Variants in SLC9A9 observed in about 807,000 individuals in gnomAD.
SLC9A9 encodes solute carrier family 9 member A9, also known as sodium/hydrogen exchanger 9.
A neutral mutation model predicts 77.8 loss-of-function variants in SLC9A9; 62 were observed. The observed-to-expected ratio is 0.80, with a 90% confidence interval of 0.65 to 0.98. The LOEUF (loss-of-function observed/expected upper bound fraction) is 0.98. Among genes scored for constraint, SLC9A9 ranks in the 50% least tolerant of loss-of-function variants. SLC9A9 has a pLI of 0.00. For synonymous variants in SLC9A9, 320 were observed against 283.5 expected (o/e 1.13, Z -1.29); for missense variants, 775 against 774.9 (o/e 1.00, Z 0.00).
At chr3:143,537,862 C>A (rs1287268118) in intron 9 of SLC9A9, among the ~76,000 whole-genome samples, 1 of 152,184 alleles carries the variant, frequency 6.6e-6, no homozygotes, top group African/African-American at 2.4e-5. Flanking sequence ...AGGATGCTGG[C>A]CCTCAGGCTA....
chr3:143,403,444 C>T (rs375994818), intron 12 of SLC9A9, among the ~76,000 whole-genome samples: 11 of 150,290 alleles, frequency 7.3e-5, no homozygotes, highest in South Asian at 4.2e-4. Flanking sequence ...TTACCTTTGC[C>T]GGCACTTTTT....
chr3:143,266,182 C>G lies in SLC9A9; in HGVS notation c.*520G>C, dbSNP rs1937707327. The G allele has an allele frequency of 2.9e-6, 2 of 696,934 alleles. No homozygotes were observed. Among genetic ancestry groups the G allele is most frequent in the Non-Finnish European group, 5.2e-6 (2 of 382,416 alleles). The allele number at this position is 696,934 out of a possible 1,614,324, so 43.2% of individuals were successfully genotyped here. The stretch of plus-strand genomic sequence containing the variant: ...AGTGGGTACGGAACACTTCTCTGGG[C>G]TCTGCCCTGGGGTCACTGAGAGCAA... On this transcript the variant is annotated 3_prime_UTR_variant, in exon 16 of 16. Transcript: ENST00000316549.
intron 6 of SLC9A9, among the ~76,000 whole-genome samples, chr3:143,596,083 TGTC>T (rs2108682703): frequency 6.6e-6 from 1 of 152,308 alleles, no homozygotes; most frequent in Non-Finnish European, 1.5e-5. Flanking sequence ...GGCTTCTCTA[TGTC>T]GTCTGAGTGA....
intron 2 of SLC9A9, among the ~76,000 whole-genome samples, chr3:143,822,653 C>T (rs1480562412): frequency 2.6e-5 from 4 of 152,298 alleles, no homozygotes; most frequent in African/African-American, 4.8e-5. Flanking sequence ...CTGGGTGGAA[C>T]TTTAAATAAC....
intron 9 of SLC9A9, among the ~76,000 whole-genome samples, chr3:143,537,776 C>T (rs1369102680): frequency 6.6e-6 from 1 of 152,130 alleles, no homozygotes; most frequent in African/African-American, 2.4e-5. Flanking sequence ...TTAGTGCCTC[C>T]CTTTCTCAGA....
intron 2 of SLC9A9, among the ~76,000 whole-genome samples, chr3:143,806,384 T>G (rs1192420656): frequency 6.6e-6 from 1 of 152,120 alleles, no homozygotes; most frequent in Non-Finnish European, 1.5e-5. Flanking sequence ...CTTTGATGAT[T>G]ATTGGTTTAT....
intron 4 of SLC9A9, among the ~76,000 whole-genome samples, chr3:143,794,697 G>A (rs1324445593): frequency 1.3e-5 from 2 of 151,932 alleles, no homozygotes; most frequent in African/African-American, 2.4e-5. Flanking sequence ...TGAGCATATC[G>A]GCATTACTCA....
chr3:143,581,659 G>A (rs907945877), intron 6 of SLC9A9, among the ~76,000 whole-genome samples: 9 of 152,146 alleles, frequency 5.9e-5, no homozygotes, highest in Non-Finnish European at 1.2e-4. Context: ...TTAAAAAGGC[G>A]ATCATGTTGT....
chr3:143,267,378 T>C (rs1048703257), intron 15 of SLC9A9, among the ~76,000 whole-genome samples: 1 of 135,138 alleles, frequency 7.4e-6, no homozygotes, highest in Non-Finnish European at 1.5e-5. Context: ...AGACAGAGTC[T>C]CACTCTGTCA....
chr3:143,582,980 C>T (rs2037481587), intron 6 of SLC9A9, among the ~76,000 whole-genome samples: 1 of 151,912 alleles, frequency 6.6e-6, no homozygotes, highest in Non-Finnish European at 1.5e-5. Flanking sequence ...TGGCAAAACC[C>T]CATCTCTAAA....
At chr3:143,516,734 G>A (rs574231485) in intron 9 of SLC9A9, among the ~76,000 whole-genome samples, 1 of 152,104 alleles carries the variant, frequency 6.6e-6, no homozygotes, top group African/African-American at 2.4e-5. Context: ...AAGTAGTAGT[G>A]TATTTTCATG....
chr3:143,475,367 C>G (rs1242779051), intron 11 of SLC9A9, among the ~76,000 whole-genome samples: 1 of 152,152 alleles, frequency 6.6e-6, no homozygotes, highest in Admixed American at 6.5e-5. Context: ...TTGGTAAGAG[C>G]TGACCTCTGG....
At chr3:143,636,626 C>T (rs933092243) in intron 6 of SLC9A9, among the ~76,000 whole-genome samples, 4 of 152,216 alleles carry the variant, frequency 2.6e-5, no homozygotes, top group Admixed American at 2.6e-4. Context: ...ACCTTCCACC[C>T]TTCCACCTTT....
intron 4 of SLC9A9, among the ~76,000 whole-genome samples, chr3:143,699,372 C>T (rs1248252153): frequency 6.6e-6 from 1 of 152,088 alleles, no homozygotes; most frequent in Non-Finnish European, 1.5e-5. Context: ...AGCAGGTGAG[C>T]ACTCACAGTA....
chr3:143,846,465 T>G (rs577991687), intron 1 of SLC9A9, among the ~76,000 whole-genome samples: 1 of 152,322 alleles, frequency 6.6e-6, no homozygotes, highest in African/African-American at 2.4e-5. Flanking sequence ...GCTTCACATC[T>G]GATGGCATCC....
At chr3:143,503,982 C>A in intron 9 of SLC9A9, 1 of 412,510 alleles carries the variant, frequency 2.4e-6, no homozygotes. Flanking sequence ...CACTGGTGAA[C>A]TCCACAACAT....
At position 143,513,945 on chromosome 3, in the gene SLC9A9, T is replaced by C. The variant is rs975030938; in HGVS notation, c.1090-18497A>G. Reference sequence around the variant, plus strand: ...GGTGTGCTGCACCCATTAACTGATATACCTAATGTCATTTACGTTAGGTAT... The same window carrying C: ...GGTGTGCTGCACCCATTAACTGATACACCTAATGTCATTTACGTTAGGTAT... On this transcript the variant is annotated intron_variant, in intron 9 of 15. Transcript: ENST00000316549. Among the ~76,000 whole-genome samples the C allele has an allele frequency of 3.9e-5, 6 of 152,320 alleles. No homozygotes were observed. In the East Asian group the frequency reaches 5.8e-4, roughly 15 times the overall value.
intron 14 of SLC9A9, among the ~76,000 whole-genome samples, chr3:143,318,487 C>T (rs2031305575): frequency 6.6e-6 from 1 of 152,216 alleles, no homozygotes; most frequent in Admixed American, 6.5e-5. Context: ...GTTCACAACA[C>T]ATCATGTAGT....
intron 9 of SLC9A9, 73 bp downstream of exon 9, chr3:143,552,289 A>G (rs966071000): frequency 2.8e-6 from 3 of 1,067,898 alleles, no homozygotes; most frequent in Admixed American, 2.0e-5. Context: ...CTTTCTGACT[A>G]TACTGCCAGA....
Sources: gnomAD v4.1 joint callset for allele counts (sites outside exome capture counted in the v4.1 genomes callset) on GRCh38, gnomAD v4.1.1 for gene constraint, MANE v1.5 for transcripts, NCBI Gene and HGNC (gene_info 2026-07-23, HGNC 2026-07-21) for gene names.